CDYL2: variants seen among roughly 807,000 people sequenced by gnomAD.
CDYL2 encodes the protein chromodomain Y like 2, also known as chromodomain Y-like protein 2.
Under a neutral mutation model 49.4 loss-of-function variants are expected in CDYL2, and 23 were observed. The observed-to-expected ratio is 0.47, with a 90% CI of 0.34 to 0.66. The LOEUF is 0.66. CDYL2 is among the 30% of genes least tolerant of loss of function. The probability of loss-of-function intolerance (pLI) is 0.01; values close to 1 mark genes in which losing one functional copy is unlikely to be tolerated. For missense variants in CDYL2, 678 were observed against 656.4 expected, an observed-to-expected ratio of 1.03 and a Z score of -0.36; for synonymous variants, 360 against 268.8, an observed-to-expected ratio of 1.34 and a Z score of -3.32.
chr16:80,769,437 C>G (rs1906833774), intron 1 of CDYL2, among the ~76,000 whole-genome samples: 1 of 152,224 alleles, frequency 6.6e-6, no homozygotes, highest in Admixed American at 6.5e-5. Context: ...AGGTGGGTAT[C>G]ATTATCATCC....
intron 2 of CDYL2, among the ~76,000 whole-genome samples, chr16:80,643,026 C>G (rs1331999428): frequency 6.6e-6 from 1 of 152,148 alleles, no homozygotes; most frequent in African/African-American, 2.4e-5. Flanking sequence ...TGCAAAGTCT[C>G]ATCTGAGACA....
intron 1 of CDYL2, among the ~76,000 whole-genome samples, chr16:80,717,004 TGATGGATGGATG>T (rs60811461): frequency 1.5e-3 from 216 of 147,456 alleles, no homozygotes; most frequent in Middle Eastern, 0.015. Flanking sequence ...ATGATTCAAT[TGATGGATGGATG>T]GATGGATGGA....
intron 4 of CDYL2, among the ~76,000 whole-genome samples, chr16:80,614,818 C>T (rs1310179313): frequency 7.1e-6 from 1 of 140,860 alleles, no homozygotes; most frequent in Non-Finnish European, 1.5e-5. Flanking sequence ...GAGCCGAGAT[C>T]GGGCCACTGC....
chr16:80,761,729 T>TC (rs1906537791), intron 1 of CDYL2, among the ~76,000 whole-genome samples: 1 of 152,142 alleles, frequency 6.6e-6, no homozygotes, highest in Admixed American at 6.5e-5. Context: ...AAAAGGTATA[T>TC]CTACATCTAT....
intron 2 of CDYL2, among the ~76,000 whole-genome samples, chr16:80,637,468 G>A (rs1479128395): frequency 2.6e-5 from 4 of 152,086 alleles, no homozygotes; most frequent in Admixed American, 6.6e-5. Flanking sequence ...AACGATTTTT[G>A]TCCACAGATG....
intron 3 of CDYL2, among the ~76,000 whole-genome samples, chr16:80,630,705 C>A (rs893050300): frequency 1.3e-5 from 2 of 152,130 alleles, no homozygotes; most frequent in African/African-American, 2.4e-5. Flanking sequence ...ACAACCACTA[C>A]CCCACAACCC....
chr16:80,611,309 C>A (rs2142363926), intron 5 of CDYL2, among the ~76,000 whole-genome samples: 1 of 152,246 alleles, frequency 6.6e-6, no homozygotes, highest in Non-Finnish European at 1.5e-5. Context: ...AGCTGACTGG[C>A]TAGAGGGGGC....
At chr16:80,654,528 A>G (rs567972123) in intron 2 of CDYL2, among the ~76,000 whole-genome samples, 2 of 152,334 alleles carry the variant, frequency 1.3e-5, no homozygotes, top group Admixed American at 1.3e-4. Context: ...CCAGCGCTGC[A>G]TAACACCCGT....
chr16:80,671,268 C>G (rs7190973), intron 2 of CDYL2, among the ~76,000 whole-genome samples: 88,125 of 152,080 alleles, frequency 0.58, 26,228 homozygotes, highest in Middle Eastern at 0.75. Flanking sequence ...TACAGAGTTA[C>G]GGACAAGCCA....
chr16:80,618,765 A>C (rs900515968), intron 4 of CDYL2, among the ~76,000 whole-genome samples: 27 of 152,182 alleles, frequency 1.8e-4, no homozygotes, highest in African/African-American at 6.5e-4. Context: ...AACAGACCCC[A>C]TCCAGCAAAG....
At chr16:80,661,948 C>A (rs545882743) in intron 2 of CDYL2, among the ~76,000 whole-genome samples, 29 of 152,272 alleles carry the variant, frequency 1.9e-4, no homozygotes, top group Admixed American at 1.6e-3. Flanking sequence ...ACTGCATGAG[C>A]AAACAATCAG....
chr16:80,737,330 A>T (rs183895286), intron 1 of CDYL2, among the ~76,000 whole-genome samples: 2 of 152,304 alleles, frequency 1.3e-5, no homozygotes, highest in African/African-American at 4.8e-5. Context: ...TAAGTGCCTT[A>T]CAGGTAAGGT....
chr16:80,727,052 A>G (rs1311286202), intron 1 of CDYL2, among the ~76,000 whole-genome samples: 1 of 152,248 alleles, frequency 6.6e-6, no homozygotes, highest in African/African-American at 2.4e-5. Flanking sequence ...TGCCTGGGCA[A>G]GAGAGCAAGA....
At chr16:80,726,315 GA>G (rs1905160763) in intron 1 of CDYL2, among the ~76,000 whole-genome samples, 1 of 152,112 alleles carries the variant, frequency 6.6e-6, no homozygotes, top group Admixed American at 6.5e-5. Flanking sequence ...ACAATGAAAT[GA>G]AAGACTTCAT....
At chr16:80,777,371 G>T (rs1907122650) in intron 1 of CDYL2, among the ~76,000 whole-genome samples, 1 of 151,768 alleles carries the variant, frequency 6.6e-6, no homozygotes. Flanking sequence ...TGAATGATAA[G>T]TCAGAGAAAC....
chr16:80,693,953 G>T (rs577908650), intron 1 of CDYL2, among the ~76,000 whole-genome samples: 2 of 152,210 alleles, frequency 1.3e-5, no homozygotes, highest in African/African-American at 2.4e-5. Flanking sequence ...AAAAGGAGCT[G>T]ACCCAAGTAA....
chr16:80,766,679 G>A (rs559893526), intron 1 of CDYL2, among the ~76,000 whole-genome samples: 2 of 152,256 alleles, frequency 1.3e-5, no homozygotes, highest in African/African-American at 4.8e-5. Context: ...AACTAATAAC[G>A]ATGGGACTGA....
At chr16:80,733,065 C>T (rs544477392) in intron 1 of CDYL2, among the ~76,000 whole-genome samples, 145 of 152,234 alleles carry the variant, frequency 9.5e-4, no homozygotes, top group Middle Eastern at 3.4e-3. Context: ...GCCAATGTAG[C>T]CTATATCTAC....
intron 2 of CDYL2, among the ~76,000 whole-genome samples, chr16:80,672,386 T>G (rs868706366): frequency 7.4e-5 from 11 of 149,304 alleles, no homozygotes; most frequent in Admixed American, 1.3e-4. Flanking sequence ...GAACAGGCTT[T>G]CCCTTTGTGT....
Sources: allele counts gnomAD v4.1 joint callset (sites outside exome capture counted in the v4.1 genomes callset), GRCh38; gene constraint gnomAD v4.1.1; transcripts MANE v1.5; gene names NCBI Gene and HGNC (gene_info 2026-07-23, HGNC 2026-07-21).